Variants in DPYD observed in about 807,000 individuals in gnomAD.
DPYD encodes the protein dihydropyrimidine dehydrogenase, also known as dihydropyrimidine dehydrogenase [NADP(+)].
DPYD carries 109 observed loss-of-function variants against 116.2 expected under a neutral mutation model. That is an observed-to-expected ratio of 0.94 (90% CI 0.80 to 1.10). The LOEUF (loss-of-function observed/expected upper bound fraction) is 1.10, where lower values mean the gene tolerates loss of function less well. Ranked by LOEUF, DPYD falls within the 50% of genes least tolerant of loss-of-function variation. The pLI is 0.00. For synonymous variants in DPYD, 440 were observed against 432.0 expected (o/e 1.02, Z -0.23); for missense variants, 1,302 against 1,254.5 (o/e 1.04, Z -0.57).
intron 19 of DPYD, among the ~76,000 whole-genome samples, chr1:97,217,150 G>A (rs1324814355): frequency 6.6e-6 from 1 of 152,172 alleles, no homozygotes; most frequent in African/African-American, 2.4e-5. Context: ...GGAGGTTGCA[G>A]TGAGCCGAGA....
At chr1:97,451,450 T>C (rs778749906) in intron 13 of DPYD, among the ~76,000 whole-genome samples, 3 of 152,236 alleles carry the variant, frequency 2.0e-5, no homozygotes, top group Non-Finnish European at 2.9e-5. Flanking sequence ...ATAAATGGTA[T>C]AAATGTTACA....
chr1:97,741,695 T>G (rs1010072099), intron 3 of DPYD, among the ~76,000 whole-genome samples: 1 of 152,088 alleles, frequency 6.6e-6, no homozygotes, highest in African/African-American at 2.4e-5. Flanking sequence ...ATAAAAGTGT[T>G]GGAAAAAGAT....
At chr1:97,501,972 T>C (rs1411552487) in intron 13 of DPYD, among the ~76,000 whole-genome samples, 1 of 152,080 alleles carries the variant, frequency 6.6e-6, no homozygotes, top group African/African-American at 2.4e-5. Context: ...CACTGCTCTT[T>C]GTAATGCAAT....
intron 12 of DPYD, among the ~76,000 whole-genome samples, chr1:97,532,997 T>G (rs570045398): frequency 3.3e-5 from 5 of 152,046 alleles, no homozygotes; most frequent in Non-Finnish European, 7.4e-5. Flanking sequence ...TCTTCTTTCT[T>G]TTGTAATGCA....
intron 8 of DPYD, among the ~76,000 whole-genome samples, chr1:97,630,460 G>T (rs1657190676): frequency 6.6e-6 from 1 of 151,996 alleles, no homozygotes; most frequent in African/African-American, 2.4e-5. Flanking sequence ...TGGGGTGCCT[G>T]CTCCTTCCTC....
intron 4 of DPYD, among the ~76,000 whole-genome samples, chr1:97,723,593 A>C (rs1230819622): frequency 6.6e-6 from 1 of 151,614 alleles, no homozygotes; most frequent in African/African-American, 2.4e-5. Context: ...TCTTTCCATC[A>C]GTTCAATGAA....
intron 3 of DPYD, among the ~76,000 whole-genome samples, chr1:97,755,133 G>C (rs1333811074): frequency 2.0e-5 from 3 of 152,092 alleles, no homozygotes; most frequent in African/African-American, 4.8e-5. Context: ...CCTGCTTGTA[G>C]GTCTCAAGAA....
intron 14 of DPYD, among the ~76,000 whole-genome samples, chr1:97,424,960 T>G (rs1674783856): frequency 6.6e-6 from 1 of 152,090 alleles, no homozygotes; most frequent in African/African-American, 2.4e-5. Context: ...TGAAAATTTT[T>G]TTGTGTTAAA....
At chr1:97,412,582 A>G (rs1325325519) in intron 14 of DPYD, among the ~76,000 whole-genome samples, 1 of 152,196 alleles carries the variant, frequency 6.6e-6, no homozygotes, top group Non-Finnish European at 1.5e-5. Context: ...TAAAATATAA[A>G]TGTATAAGCA....
intron 20 of DPYD, among the ~76,000 whole-genome samples, chr1:97,102,927 G>GAAT (rs1557864188): frequency 6.6e-6 from 1 of 151,690 alleles, no homozygotes; most frequent in Non-Finnish European, 1.5e-5. Flanking sequence ...GAAAAATGAA[G>GAAT]AAAATAAATG....
intron 8 of DPYD, among the ~76,000 whole-genome samples, chr1:97,615,084 G>T (rs1357639779): frequency 6.6e-6 from 1 of 152,008 alleles, no homozygotes; most frequent in African/African-American, 2.4e-5. Flanking sequence ...CACACATTTG[G>T]AAACTTGCAT....
At chr1:97,435,005 A>G (rs1263377015) in intron 14 of DPYD, among the ~76,000 whole-genome samples, 2 of 152,150 alleles carry the variant, frequency 1.3e-5, no homozygotes, top group Middle Eastern at 3.4e-3. Flanking sequence ...TACAAAACTA[A>G]GAAACTGTTA....
intron 1 of DPYD, among the ~76,000 whole-genome samples, chr1:97,896,484 T>C (rs7418577): frequency 0.74 from 112,785 of 151,710 alleles, 42,279 homozygotes; most frequent in East Asian, 0.93. Flanking sequence ...CCCCGTCTCA[T>C]ATTTAAGTGA....
intron 16 of DPYD, among the ~76,000 whole-genome samples, chr1:97,327,443 A>C (rs944260335): frequency 2.0e-5 from 3 of 152,010 alleles, no homozygotes; most frequent in Non-Finnish European, 4.4e-5. Flanking sequence ...CCTGATTATA[A>C]AAAAAGTTCT....
At chr1:97,190,562 T>A (rs1658279958) in intron 20 of DPYD, among the ~76,000 whole-genome samples, 1 of 152,160 alleles carries the variant, frequency 6.6e-6, no homozygotes, top group South Asian at 2.1e-4. Context: ...TTCTCAGGAA[T>A]TTGCTCTTCT....
chr1:97,227,781 A>G (rs1193951339), intron 19 of DPYD, among the ~76,000 whole-genome samples: 1 of 152,084 alleles, frequency 6.6e-6, no homozygotes, highest in African/African-American at 2.4e-5. Flanking sequence ...GTATGTTGAG[A>G]TGCAAAATGT....
intron 20 of DPYD, among the ~76,000 whole-genome samples, chr1:97,125,288 G>T (rs1212688775): frequency 8.6e-5 from 13 of 151,978 alleles, no homozygotes; most frequent in Non-Finnish European, 1.8e-4. Flanking sequence ...GATGAATCTT[G>T]TTTTCAAAAG....
At chr1:97,804,359 A>T (rs1008771378) in intron 3 of DPYD, among the ~76,000 whole-genome samples, 7 of 151,878 alleles carry the variant, frequency 4.6e-5, no homozygotes, top group Non-Finnish European at 8.9e-5. Context: ...GTGAGTAGTG[A>T]AACAATTGAA....
At chr1:97,444,565 A>G (rs1359405039) in intron 14 of DPYD, among the ~76,000 whole-genome samples, 1 of 152,182 alleles carries the variant, frequency 6.6e-6, no homozygotes, top group African/African-American at 2.4e-5. Flanking sequence ...CAATTGATGA[A>G]CTTTACAAAA....
Sources: allele counts gnomAD v4.1 joint callset (sites outside exome capture counted in the v4.1 genomes callset), GRCh38; gene constraint gnomAD v4.1.1; transcripts MANE v1.5; gene names NCBI Gene and HGNC (gene_info 2026-07-23, HGNC 2026-07-21).